CREBBP: variants seen among roughly 807,000 people sequenced by gnomAD.
CREBBP encodes the protein CREB binding lysine acetyltransferase.
Under a neutral mutation model 265.0 loss-of-function variants are expected in CREBBP, and 19 were observed. That is an observed-to-expected ratio of 0.07 (90% CI 0.05 to 0.11). CREBBP has a LOEUF of 0.11. CREBBP is among the 10% of genes least tolerant of loss of function. The pLI, the probability that CREBBP is intolerant of heterozygous loss-of-function variation, is 1.00. For synonymous variants in CREBBP, 1,457 were observed against 1,223.7 expected (o/e 1.19, Z -3.98); for missense variants, 2,525 against 3,219.0 (o/e 0.78, Z 5.22).
intron 5 of CREBBP, among the ~76,000 whole-genome samples, chr16:3,790,799 C>T (rs570601608): frequency 2.0e-4 from 31 of 152,298 alleles, no homozygotes; most frequent in African/African-American, 7.2e-4. Context: ...CCTACTCCCT[C>T]GCCGCCAGAG....
rs768215294 is a variant in CREBBP at position 3,744,981 on chromosome 16, T to G, written c.3915-20A>C. On this transcript the variant is annotated intron_variant, in intron 22 of 30. Transcript: ENST00000262367. Reference sequence around the variant, plus strand: ...ACAAAACTGCAAAATAATAGTGGTATGATGAGACTGTATATAATGATGTAA... The same window carrying G: ...ACAAAACTGCAAAATAATAGTGGTAGGATGAGACTGTATATAATGATGTAA... 2 of 1,555,430 alleles carry G rather than the reference T, an allele frequency of 1.3e-6. No homozygotes were observed. Among genetic ancestry groups the G allele is most frequent in the East Asian group, 2.2e-5 (1 of 44,574 alleles).
At chr16:3,737,439 A>C (rs1014847228) in intron 26 of CREBBP, among the ~76,000 whole-genome samples, 4 of 149,728 alleles carry the variant, frequency 2.7e-5, no homozygotes, top group African/African-American at 9.9e-5. Context: ...CAGGAGGAAC[A>C]TTTTTTTTCT....
chr16:3,788,091 C>T (rs531690422), intron 5 of CREBBP, among the ~76,000 whole-genome samples: 9 of 152,300 alleles, frequency 5.9e-5, no homozygotes, highest in Admixed American at 1.3e-4. Flanking sequence ...CCATGGCTGA[C>T]GCAGCCGGGA....
intron 1 of CREBBP, among the ~76,000 whole-genome samples, chr16:3,855,929 C>T (rs979390068): frequency 6.6e-6 from 1 of 152,194 alleles, no homozygotes; most frequent in East Asian, 1.9e-4. Context: ...CAAATTTACT[C>T]GGTACTCCTT....
rs968570568 is a variant in CREBBP, at chr16:3,726,745, G to C, written c.*973C>G. On this transcript the variant is annotated 3_prime_UTR_variant, in exon 31 of 31. Transcript: ENST00000262367. The stretch of plus-strand genomic sequence containing the variant: ...TAGTCCAAATACAATGTTGAAAACA[G>C]CATTTTCATAACAAAAAACCCCGAA... The C allele has an allele frequency of 1.3e-5, 3 of 233,418 alleles. No individual in the cohort carries two copies. In the East Asian group the frequency reaches 1.8e-4, roughly 14 times the overall value. The allele number at this position is 233,418 out of a possible 1,614,324, so 14.5% of individuals were successfully genotyped here. A position where few individuals can be genotyped will look rare whatever the true frequency, so the allele number is the denominator to read the frequency against.
intron 1 of CREBBP, among the ~76,000 whole-genome samples, chr16:3,876,003 A>G (rs1468806296): frequency 6.6e-6 from 1 of 152,142 alleles, no homozygotes; most frequent in Non-Finnish European, 1.5e-5. Context: ...CACAGGATGA[A>G]ACACAGCTAT....
chr16:3,739,333 C>T (rs1248383854), intron 25 of CREBBP: 21 of 541,014 alleles, frequency 3.9e-5, no homozygotes, highest in Non-Finnish European at 4.0e-5. Flanking sequence ...GGTTTACCTG[C>T]GTTAGGTAAG....
At chr16:3,806,110 T>C (rs2053824976) in intron 3 of CREBBP, among the ~76,000 whole-genome samples, 1 of 152,092 alleles carries the variant, frequency 6.6e-6, no homozygotes, top group Non-Finnish European at 1.5e-5. Context: ...GACACAGCAA[T>C]GGAATGAACC....
intron 28 of CREBBP, among the ~76,000 whole-genome samples, chr16:3,733,144 C>T (rs1413631526): frequency 1.3e-5 from 2 of 151,980 alleles, no homozygotes; most frequent in Non-Finnish European, 2.9e-5. Flanking sequence ...AGGCGGATCT[C>T]GAGGTCAGGA....
chr16:3,843,908 G>A (rs1207354180), intron 2 of CREBBP, among the ~76,000 whole-genome samples: 1 of 151,688 alleles, frequency 6.6e-6, no homozygotes, highest in Non-Finnish European at 1.5e-5. Flanking sequence ...CAGCACTTTG[G>A]GAGGCCGAGG....
At chr16:3,848,592 G>T (rs2054718005) in intron 2 of CREBBP, among the ~76,000 whole-genome samples, 1 of 152,070 alleles carries the variant, frequency 6.6e-6, no homozygotes, top group Admixed American at 6.6e-5. Context: ...TCTCTTTGGG[G>T]TCCTCAGTAA....
chr16:3,770,213 G>T (rs113130065), intron 14 of CREBBP, among the ~76,000 whole-genome samples: 5,699 of 151,832 alleles, frequency 0.038, 351 homozygotes, highest in African/African-American at 0.13. Context: ...ACAATGTCTC[G>T]CTCTGTTGCC....
At chr16:3,740,278 C>T (rs1308694853) in intron 24 of CREBBP, 121 bp downstream of exon 24, 4 of 1,193,378 alleles carry the variant, frequency 3.4e-6, no homozygotes, top group Non-Finnish European at 4.9e-6. Context: ...CTACTGCACG[C>T]ATTCGCTGCT....
intron 11 of CREBBP, among the ~76,000 whole-genome samples, chr16:3,777,146 TAA>T (rs2141228864): frequency 1.3e-5 from 2 of 152,060 alleles, no homozygotes; most frequent in East Asian, 3.9e-4. Context: ...CCATCCTGGC[TAA>T]CACGGTGAAA....
intron 21 of CREBBP, among the ~76,000 whole-genome samples, chr16:3,747,313 A>G (rs129977): frequency 0.012 from 1,854 of 152,364 alleles, 35 homozygotes; most frequent in African/African-American, 0.041. Flanking sequence ...GTCAAGAGAC[A>G]GTGTAATGGC....
chr16:3,879,132 A>T (rs1597097996), intron 1 of CREBBP, among the ~76,000 whole-genome samples: 1 of 152,190 alleles, frequency 6.6e-6, no homozygotes, highest in East Asian at 1.9e-4. Flanking sequence ...TTGAAGTTAT[A>T]CATGGAAATG....
intron 3 of CREBBP, among the ~76,000 whole-genome samples, chr16:3,805,467 A>G (rs1359092596): frequency 6.6e-6 from 1 of 152,240 alleles, no homozygotes; most frequent in Non-Finnish European, 1.5e-5. Flanking sequence ...TTGTGCAGTG[A>G]AAGGAGCTTG....
In CREBBP at chr16:3,854,880, G is replaced by C. The variant is rs371234845; in HGVS notation, c.86-3871C>G. Among the ~76,000 whole-genome samples the C allele has an allele frequency of 5.9e-5, 9 of 152,360 alleles. No homozygotes were observed. The South Asian group carries it at 1.2e-3, about 21-fold the overall frequency. On this transcript the variant is annotated intron_variant, in intron 1 of 30. Transcript: ENST00000262367. ...AAGGAATGAGATGTGATTTAGGAGT[G>C]TGTACATGCATGTAACAGTTTTTGA...
chr16:3,742,107 AC>A (rs956828620), intron 23 of CREBBP: 9 of 151,888 alleles, frequency 5.9e-5, no homozygotes, highest in African/African-American at 2.2e-4. Context: ...CAAAAAAAAA[AC>A]AAAAAAACCC....
Sources: gnomAD v4.1 joint callset for allele counts (sites outside exome capture counted in the v4.1 genomes callset) on GRCh38, gnomAD v4.1.1 for gene constraint, MANE v1.5 for transcripts, NCBI Gene and HGNC (gene_info 2026-07-23, HGNC 2026-07-21) for gene names.